Variants in PPP1R12B observed in about 807,000 individuals in gnomAD.
PPP1R12B encodes myosin phosphatase target subunit 2.
PPP1R12B carries 76 observed loss-of-function variants against 126.1 expected under a neutral mutation model. The observed-to-expected ratio is 0.60, with a 90% confidence interval of 0.50 to 0.73. The LOEUF is 0.73. Ranked by LOEUF, PPP1R12B falls within the 30% of genes least tolerant of loss-of-function variation. The probability of loss-of-function intolerance (pLI) is 0.00; values close to 1 mark genes in which losing one functional copy is unlikely to be tolerated. For missense variants in PPP1R12B, 1,052 were observed against 1,205.1 expected, an observed-to-expected ratio of 0.87 and a Z score of 1.88; for synonymous variants, 356 against 434.7, an observed-to-expected ratio of 0.82 and a Z score of 2.25.
chr1:202,364,415 T>C (rs1658761420), intron 1 of PPP1R12B, among the ~76,000 whole-genome samples: 1 of 152,090 alleles, frequency 6.6e-6, no homozygotes, highest in South Asian at 2.1e-4. Context: ...TTCATCTCTA[T>C]ATGTATCTAC....
chr1:202,439,435 G>T, intron 10 of PPP1R12B: 1 of 1,324,532 alleles, frequency 7.5e-7, no homozygotes, highest in Admixed American at 1.9e-5. Context: ...AAAATGCTGG[G>T]CGACCCCAGC....
chr1:202,422,296 G>T (rs1668905719), intron 2 of PPP1R12B, among the ~76,000 whole-genome samples: 1 of 152,136 alleles, frequency 6.6e-6, no homozygotes. Context: ...CTCCAGTGTG[G>T]CACTGGGAAA....
chr1:202,548,796 CTCTCTCTCTCTCTATA>C (rs1471915739), intron 18 of PPP1R12B, among the ~76,000 whole-genome samples: 12 of 113,380 alleles, frequency 1.1e-4, no homozygotes, highest in African/African-American at 1.6e-4. Context: ...CTCTCTCTCT[CTCTCTCTCTCTCTATA>C]TATATATATA....
chr1:202,395,006 A>G (rs1664735842), intron 1 of PPP1R12B, among the ~76,000 whole-genome samples: 1 of 150,174 alleles, frequency 6.7e-6, no homozygotes, highest in Non-Finnish European at 1.5e-5. Flanking sequence ...AATCCCAGCT[A>G]CTTGGGAGGC....
Position 202,495,394 on chromosome 1 carries a change from G to T in PPP1R12B, c.2247G>T (p.Leu749=). The change falls in exon 16 of 24, where the codon CTG becomes CTT. Residue 749 remains leucine (L), a synonymous_variant. Transcript: ENST00000608999. ...SRPSLYTSSH[L]LWTNRFSVPD... is the part of the protein sequence containing the mutation. The stretch of plus-strand genomic sequence containing the variant: ...CCTCACTCTACACCAGTTCCCACCT[G>T]CTATGGACAAATAGATTTTCAGTCC... 2 of 1,611,470 alleles carry T rather than the reference G, an allele frequency of 1.2e-6. No individual in the cohort carries two copies. Among genetic ancestry groups the T allele is most frequent in the South Asian group, 2.2e-5 (2 of 90,752 alleles).
intron 11 of PPP1R12B, among the ~76,000 whole-genome samples, chr1:202,441,666 C>T (rs554088926): frequency 6.4e-4 from 97 of 152,210 alleles, no homozygotes; most frequent in African/African-American, 2.1e-3. Flanking sequence ...GATCAAAAAT[C>T]CTAGTACAGC....
chr1:202,361,356 G>T (rs565876274), intron 1 of PPP1R12B, among the ~76,000 whole-genome samples: 19 of 152,268 alleles, frequency 1.2e-4, no homozygotes. Flanking sequence ...TGAGGGCCTC[G>T]GGAAGCTTAC....
chr1:202,462,683 G>A (rs1008511097), intron 13 of PPP1R12B: 1 of 830,398 alleles, frequency 1.2e-6, no homozygotes, highest in Non-Finnish European at 1.5e-6. Context: ...AAAATTTTCA[G>A]CCCTCATTCA....
intron 13 of PPP1R12B, among the ~76,000 whole-genome samples, chr1:202,480,718 T>C (rs1352099363): frequency 2.6e-5 from 4 of 152,218 alleles, no homozygotes; most frequent in Non-Finnish European, 2.9e-5. Context: ...TTATATAATG[T>C]AGTATGTCAA....
At chr1:202,572,955 TC>T (rs1688748389) in intron 23 of PPP1R12B, among the ~76,000 whole-genome samples, 1 of 152,188 alleles carries the variant, frequency 6.6e-6, no homozygotes, top group Non-Finnish European at 1.5e-5. Context: ...GCTGATAACT[TC>T]CAAATTCTTT....
chr1:202,446,244 A>ATT (rs1672250571), intron 12 of PPP1R12B, among the ~76,000 whole-genome samples: 1 of 47,070 alleles, frequency 2.1e-5, no homozygotes, highest in African/African-American at 8.8e-5. Flanking sequence ...CTCTATATAT[A>ATT]TATATATATA....
intron 18 of PPP1R12B, among the ~76,000 whole-genome samples, chr1:202,511,150 T>C (rs1681446154): frequency 6.7e-6 from 1 of 150,356 alleles, no homozygotes; most frequent in South Asian, 2.1e-4. Context: ...ATGAATAAAT[T>C]CTTTGATGGC....
At chr1:202,494,434 T>C (rs1246039256) in intron 15 of PPP1R12B, among the ~76,000 whole-genome samples, 2 of 152,164 alleles carry the variant, frequency 1.3e-5, no homozygotes, top group Non-Finnish European at 2.9e-5. Flanking sequence ...TTACTACATT[T>C]TATTGTATAT....
rs551278854 is a variant in PPP1R12B at position 202,441,930 on chromosome 1, C to T, written c.1542-517C>T. Among the ~76,000 whole-genome samples, 185 of 152,154 alleles carry T rather than the reference C, an allele frequency of 1.2e-3. 1 individual carries two copies. Among genetic ancestry groups the T allele is most frequent in the African/African-American group, 4.3e-3 (179 of 41,504 alleles). ...GGAGTGCAGTGGCATGATCTTGGCT[C>T]ATTGCAGCCTCTGCCTCCTGGGTTC... On this transcript the variant is annotated intron_variant, in intron 11 of 23. Transcript: ENST00000608999.
rs1480031692 is a variant in PPP1R12B at position 202,569,157 on chromosome 1, C to T, written c.2822C>T (p.Ala941Val). 2.5e-6 allele frequency: 4 copies of T among 1,613,368 alleles called. No individual in the cohort carries two copies. The highest frequency in any genetic ancestry group is 2.7e-5 in the African/African-American group (2 of 74,858). The stretch of plus-strand genomic sequence containing the variant: ...ATTGTTCCGAAACAGGAGAGGCGAG[C>T]CTTGGAGCGCAAAATGTCAGAAATG... ...VLEMEKRERR[A>V]LERKMSEMEE... Residue 941 changes from alanine (A) to valine (V), a missense_variant, in exon 23 of 24, where the codon GCC becomes GTC. Coordinates refer to ENST00000608999, the MANE Select transcript of PPP1R12B (RefSeq NM_002481.4).
chr1:202,392,278 G>A (rs1049309097), intron 1 of PPP1R12B, among the ~76,000 whole-genome samples: 1 of 152,044 alleles, frequency 6.6e-6, no homozygotes, highest in Non-Finnish European at 1.5e-5. Context: ...TCCATACAAT[G>A]GAATATTATT....
rs1024136682 is a variant in PPP1R12B, at chr1:202,468,737, T to C, written c.1850+19566T>C. On this transcript the variant is annotated intron_variant, in intron 13 of 23. Transcript: ENST00000608999. ...GGGAGGCTGAGGCGGGCGGATCACC[T>C]GAGGTCAGGAGTTCAAGACCAGCCT... Among the ~76,000 whole-genome samples, 7 of 152,146 alleles carry C rather than the reference T, an allele frequency of 4.6e-5. 1 individual carries two copies. Among genetic ancestry groups the C allele is most frequent in the African/African-American group, 1.7e-4 (7 of 41,428 alleles).
In PPP1R12B at chr1:202,495,501, G is replaced by C; in HGVS notation, c.2335+19G>C. Reference sequence around the variant, plus strand: ...AAAAATGGTATGTAGAACTTCAAAAGACACAGGCCCCTCCACAGTGCACAT... The same window carrying C: ...AAAAATGGTATGTAGAACTTCAAAACACACAGGCCCCTCCACAGTGCACAT... On this transcript the variant is annotated intron_variant, in intron 16 of 23. Coordinates refer to ENST00000608999, the MANE Select transcript of PPP1R12B (RefSeq NM_002481.4). The C allele has an allele frequency of 6.2e-7, 1 of 1,607,052 alleles. No individual in the cohort carries two copies. The highest frequency in any genetic ancestry group is 8.5e-7 in the Non-Finnish European group (1 of 1,175,540).
chr1:202,446,232 C>A (rs868297274), intron 12 of PPP1R12B, among the ~76,000 whole-genome samples: 752 of 73,354 alleles, frequency 0.01, 2 homozygotes, highest in Admixed American at 0.018. Context: ...CTCTCTCTCT[C>A]TCTCTATATA....
Sources: gnomAD v4.1 joint callset for allele counts (sites outside exome capture counted in the v4.1 genomes callset) on GRCh38, gnomAD v4.1.1 for gene constraint, MANE v1.5 for transcripts, NCBI Gene and HGNC (gene_info 2026-07-23, HGNC 2026-07-21) for gene names.